The following SNTG1 variants were observed in gnomAD, a reference collection of about 807,000 sequenced individuals.
SNTG1 encodes syntrophin gamma 1.
In SNTG1, 39 loss-of-function variants were observed where a neutral mutation model predicts 74.7. The observed-to-expected ratio is 0.52, with a 90% CI of 0.40 to 0.68. SNTG1 has a LOEUF of 0.68. Among genes scored for constraint, SNTG1 ranks in the 30% least tolerant of loss-of-function variants. The pLI is 0.00. For missense variants in SNTG1, 685 were observed against 609.5 expected (o/e 1.12, Z -1.30); for synonymous variants, 254 against 217.1 (o/e 1.17, Z -1.49).
At position 50,752,099 on chromosome 8, in the gene SNTG1, G is replaced by A; in HGVS notation, c.1383G>A (p.Gln461=). The A allele has an allele frequency of 1.3e-6, 2 of 1,544,856 alleles. No homozygotes were observed. Among genetic ancestry groups the A allele is most frequent in the Non-Finnish European group, 1.7e-6 (2 of 1,151,180 alleles). Reference sequence around the variant, plus strand: ...TGTTTCAGAATCCAGATACTAAACAGATTGAAGCAAAGGTAAACCCAAGAA... The same window carrying A: ...TGTTTCAGAATCCAGATACTAAACAAATTGAAGCAAAGGTAAACCCAAGAA... The part of the protein sequence containing the change: ...KFLFQNPDTK[Q]IEAKELEFSN... Residue 461 remains glutamine (Q), a synonymous_variant, in exon 18 of 19, where the codon CAG becomes CAA. Transcript: ENST00000642720.
chr8:50,760,657 A>G (rs2095595894), intron 18 of SNTG1, among the ~76,000 whole-genome samples: 1 of 151,990 alleles, frequency 6.6e-6, no homozygotes, highest in Admixed American at 6.6e-5. Flanking sequence ...AGAGAGAAGA[A>G]TCAAATAGAC....
chr8:50,390,954 C>T (rs2131292344), intron 2 of SNTG1, among the ~76,000 whole-genome samples: 1 of 151,546 alleles, frequency 6.6e-6, no homozygotes, highest in South Asian at 2.1e-4. Flanking sequence ...TGCTTATCAG[C>T]TTCAGGAGAT....
intron 2 of SNTG1, among the ~76,000 whole-genome samples, chr8:50,325,973 T>G (rs1382199101): frequency 2.0e-5 from 3 of 152,088 alleles, no homozygotes; most frequent in Non-Finnish European, 4.4e-5. Flanking sequence ...TTTTTTTGTG[T>G]ACACATAGAT....
chr8:50,748,171 C>T (rs1017529771), intron 17 of SNTG1, among the ~76,000 whole-genome samples: 2 of 151,826 alleles, frequency 1.3e-5, no homozygotes, highest in Non-Finnish European at 2.9e-5. Flanking sequence ...AATATTACCA[C>T]GAGGAAAAGT....
chr8:50,369,081 C>T (rs1039787431), intron 2 of SNTG1, among the ~76,000 whole-genome samples: 3 of 152,050 alleles, frequency 2.0e-5, no homozygotes, highest in African/African-American at 7.2e-5. Context: ...TTGGGGGCTA[C>T]TGGAATGGGA....
At chr8:50,334,558 T>G (rs2091076691) in intron 2 of SNTG1, among the ~76,000 whole-genome samples, 1 of 151,648 alleles carries the variant, frequency 6.6e-6, no homozygotes, top group Admixed American at 6.6e-5. Context: ...AGTGTATGGT[T>G]TTCACTACTC....
intron 17 of SNTG1, among the ~76,000 whole-genome samples, chr8:50,714,436 G>A (rs2095470375): frequency 6.6e-6 from 1 of 151,996 alleles, no homozygotes; most frequent in African/African-American, 2.4e-5. Context: ...TTCATGGATA[G>A]GAAGAATCAA....
At chr8:50,024,808 A>G (rs1305457375) in intron 1 of SNTG1, among the ~76,000 whole-genome samples, 3 of 152,156 alleles carry the variant, frequency 2.0e-5, no homozygotes, top group Non-Finnish European at 4.4e-5. Context: ...TATGAAAAAG[A>G]TGGCTACTAA....
chr8:50,620,048 T>C (rs1033232291), intron 13 of SNTG1, among the ~76,000 whole-genome samples: 2 of 152,146 alleles, frequency 1.3e-5, no homozygotes, highest in African/African-American at 2.4e-5. Context: ...ATGAGTCTCA[T>C]TGGGCTAATC....
chr8:50,032,940 ATTC>A (rs1486103427), intron 1 of SNTG1, among the ~76,000 whole-genome samples: 2 of 151,994 alleles, frequency 1.3e-5, no homozygotes, highest in East Asian at 3.9e-4. Flanking sequence ...AGATTTGTCC[ATTC>A]TTCTTTAGAT....
At chr8:49,968,349 A>C (rs1168816693) in intron 1 of SNTG1, among the ~76,000 whole-genome samples, 2 of 152,174 alleles carry the variant, frequency 1.3e-5, no homozygotes, top group East Asian at 3.9e-4. Context: ...TCTCATGTAA[A>C]GATCATTAAA....
At chr8:50,405,304 CA>C (rs1302604755) in intron 4 of SNTG1, among the ~76,000 whole-genome samples, 1 of 152,042 alleles carries the variant, frequency 6.6e-6, no homozygotes, top group African/African-American at 2.4e-5. Context: ...ACATTCATGC[CA>C]AGCCTGTTGT....
In SNTG1 at chr8:50,105,503, G is replaced by T. The variant is rs565439793; in HGVS notation, c.-102-67058G>T. On this transcript the variant is annotated intron_variant, in intron 1 of 18. Coordinates refer to ENST00000642720, the MANE Select transcript of SNTG1 (RefSeq NM_018967.5). ...TGTTTTGTTTTGTTTTGTTTTTTTT[G>T]CTTATTATTGTTTTGGCTCTTTGGG... is the stretch of plus-strand genomic sequence containing the variant. Among the ~76,000 whole-genome samples, 32 of 150,748 alleles carry T rather than the reference G, an allele frequency of 2.1e-4. No homozygotes were observed. The South Asian group carries it at 6.3e-3, about 30-fold the overall frequency.
In SNTG1 at chr8:50,360,118, C is replaced by T. The variant is rs533036909; in HGVS notation, c.-27-34094C>T. Among the ~76,000 whole-genome samples, 20 of 152,018 alleles carry T rather than the reference C, an allele frequency of 1.3e-4. No homozygotes were observed. The South Asian group carries it at 3.3e-3, about 25-fold the overall frequency. On this transcript the variant is annotated intron_variant, in intron 2 of 18. Coordinates refer to ENST00000642720, the MANE Select transcript of SNTG1 (RefSeq NM_018967.5). Reference sequence around the variant, plus strand: ...TAACTGGTCTAACAGTTCATGCAGACCCACACGAGATCAGATAGATCATCA... The same window carrying T: ...TAACTGGTCTAACAGTTCATGCAGATCCACACGAGATCAGATAGATCATCA...
intron 15 of SNTG1, among the ~76,000 whole-genome samples, chr8:50,700,820 C>T (rs1347194150): frequency 1.3e-5 from 2 of 152,098 alleles, no homozygotes. Context: ...TGCTCAGATG[C>T]CATTTGCAGT....
intron 2 of SNTG1, among the ~76,000 whole-genome samples, chr8:50,367,723 C>A (rs1335727391): frequency 1.3e-5 from 2 of 151,910 alleles, no homozygotes; most frequent in Non-Finnish European, 2.9e-5. Context: ...TTTTTTGTGT[C>A]CACTTGAATG....
At chr8:50,420,987 T>C (rs2093075045) in intron 4 of SNTG1, among the ~76,000 whole-genome samples, 2 of 123,124 alleles carry the variant, frequency 1.6e-5, no homozygotes, top group African/African-American at 6.2e-5. Context: ...ACTATACCAC[T>C]GCACTCCAGC....
Position 50,590,887 on chromosome 8 carries a change from A to T in SNTG1, c.819A>T (p.Lys273Asn), listed in dbSNP as rs1194248566. Residue 273 changes from lysine (K) to asparagine (N), a missense_variant, in exon 13 of 19, where the codon AAA (lysine) becomes AAT (asparagine). By Grantham distance (94) the Lys-to-Asn change is moderately conservative (BLOSUM62 0). Coordinates refer to ENST00000642720, the MANE Select transcript of SNTG1 (RefSeq NM_018967.5). ...ISNLTKHNIK[K>N]INRNFPVNQQ... ...TTTATTTATCATTGCAGATTAAAAA[A>T]ATCAACAGAAACTTTCCTGTAAACC... 1 of 1,570,160 alleles carries T rather than the reference A, an allele frequency of 6.4e-7. No homozygotes were observed.
At chr8:49,941,492 ATATATT>A (rs1291798060) in intron 1 of SNTG1, among the ~76,000 whole-genome samples, 3 of 148,130 alleles carry the variant, frequency 2.0e-5, no homozygotes, top group African/African-American at 4.9e-5. Flanking sequence ...TATATACATT[ATATATT>A]TATATTTATA....
Sources: allele counts gnomAD v4.1 joint callset (sites outside exome capture counted in the v4.1 genomes callset), GRCh38; gene constraint gnomAD v4.1.1; transcripts MANE v1.5; gene names NCBI Gene and HGNC (gene_info 2026-07-23, HGNC 2026-07-21).